Variants in CNTNAP4 observed in about 807,000 individuals in gnomAD.
CNTNAP4 encodes the protein contactin associated protein family member 4, also known as contactin-associated protein-like 4.
In CNTNAP4, 98 loss-of-function variants were observed where a neutral mutation model predicts 148.4. The observed-to-expected ratio is 0.66, with a 90% CI of 0.56 to 0.78. The LOEUF is 0.78. CNTNAP4 is among the 30% of genes least tolerant of loss of function. The probability of loss-of-function intolerance (pLI) is 0.00; values close to 1 mark genes in which losing one functional copy is unlikely to be tolerated. For missense variants in CNTNAP4, 1,935 were observed against 1,565.6 expected, an observed-to-expected ratio of 1.24 and a Z score of -3.98; for synonymous variants, 730 against 565.1, an observed-to-expected ratio of 1.29 and a Z score of -4.14.
rs2085365249 is a variant in CNTNAP4, at chr16:76,560,286, CTCT to C, written c.*1608_*1610del. The stretch of plus-strand genomic sequence containing the variant: ...TTATTTTCTATATTTTCCTTGTTAA[CTCT>C]TCTTATAAAACCTGCCTCTCTTTTC... On this transcript the variant is annotated 3_prime_UTR_variant, in exon 24 of 24. Coordinates refer to ENST00000611870, the MANE Select transcript of CNTNAP4 (RefSeq NM_033401.5). 6.6e-6 allele frequency among the ~76,000 whole-genome samples: 1 copy of C among 152,168 alleles called. No individual in the cohort carries two copies. The highest frequency in any genetic ancestry group is 2.4e-5 in the African/African-American group (1 of 41,442).
chr16:76,437,359 C>A (rs1294753443), intron 4 of CNTNAP4, among the ~76,000 whole-genome samples: 1 of 151,922 alleles, frequency 6.6e-6, no homozygotes, highest in Non-Finnish European at 1.5e-5. Flanking sequence ...CAAGTTGAGA[C>A]TCAGTATTAA....
intron 7 of CNTNAP4, among the ~76,000 whole-genome samples, chr16:76,451,018 GTTGCCT>G (rs1026967389): frequency 6.6e-6 from 1 of 152,220 alleles, no homozygotes; most frequent in African/African-American, 2.4e-5. Flanking sequence ...TTTGGCAGTT[GTTGCCT>G]GTGGGTAGCC....
In CNTNAP4 at chr16:76,452,546, G is replaced by A. The variant is rs2080540880; in HGVS notation, c.1110G>A (p.Met370Ile). 2 of 1,613,834 alleles carry A rather than the reference G, an allele frequency of 1.2e-6. No individual in the cohort carries two copies. The highest frequency in any genetic ancestry group is 1.3e-5 in the African/African-American group (1 of 74,896). The change falls in exon 8 of 24, where the codon ATG becomes ATA. Residue 370 changes from methionine to isoleucine, a missense_variant. Coordinates refer to ENST00000611870, the MANE Select transcript of CNTNAP4 (RefSeq NM_033401.5). ...TTTCTTGTTCACAACCACAATCTAT[G>A]CCCGTGACTTTTCTGAGCTCCAGGA... ...VSFSCSQPQS[M>I]PVTFLSSRSY...
intron 12 of CNTNAP4, among the ~76,000 whole-genome samples, chr16:76,484,815 C>T (rs563159946): frequency 1.3e-5 from 2 of 152,128 alleles, no homozygotes; most frequent in Non-Finnish European, 2.9e-5. Flanking sequence ...TTATATAGAT[C>T]AGGTATAATG....
At chr16:76,367,165 C>G (rs2144596405) in intron 3 of CNTNAP4, among the ~76,000 whole-genome samples, 1 of 151,876 alleles carries the variant, frequency 6.6e-6, no homozygotes, top group Admixed American at 6.6e-5. Flanking sequence ...AAAATAGATA[C>G]AGCATTGAAA....
At position 76,427,577 on chromosome 16, in the gene CNTNAP4, C is replaced by G; in HGVS notation, c.516C>G (p.Ile172Met). 6.2e-7 allele frequency: 1 copy of G among 1,612,030 alleles called. No individual in the cohort carries two copies. The highest frequency in any genetic ancestry group is 8.5e-7 in the Non-Finnish European group (1 of 1,179,022). Residue 172 changes from isoleucine (I) to methionine (M), a missense_variant, in exon 4 of 24, where the codon ATC becomes ATG. Physicochemically the swap from Ile to Met is conservative, Grantham distance 10. Transcript: ENST00000611870. ...CCAAGGGCAGAATTGGAATGCGAAT[C>G]GAAGTGTTCGGATGTGCATACAGTA... is the stretch of plus-strand genomic sequence containing the variant. ...WNPKGRIGMR[I>M]EVFGCAYRSE...
At chr16:76,499,257 TA>T (rs2082531938) in intron 15 of CNTNAP4, among the ~76,000 whole-genome samples, 1 of 152,102 alleles carries the variant, frequency 6.6e-6, no homozygotes, top group South Asian at 2.1e-4. Flanking sequence ...ACCCTTGGAA[TA>T]ATCTTCAGAG....
At chr16:76,490,779 G>T (rs954710214) in intron 13 of CNTNAP4, among the ~76,000 whole-genome samples, 1 of 152,008 alleles carries the variant, frequency 6.6e-6, no homozygotes, top group Non-Finnish European at 1.5e-5. Context: ...TGTCCACCCT[G>T]CCTATACAAC....
intron 1 of CNTNAP4, among the ~76,000 whole-genome samples, chr16:76,311,681 C>T (rs1315126142): frequency 6.6e-6 from 1 of 152,084 alleles, no homozygotes. Context: ...GAGTGATGTT[C>T]ATTTCTTCTC....
intron 21 of CNTNAP4, among the ~76,000 whole-genome samples, chr16:76,541,195 T>C (rs1221189932): frequency 6.6e-6 from 1 of 152,238 alleles, no homozygotes; most frequent in Admixed American, 6.5e-5. Flanking sequence ...ATGCAATTAC[T>C]TTTTCTTCTA....
rs200999749 is a variant in CNTNAP4, at chr16:76,365,048, T to G, written c.390+9537T>G. Among the ~76,000 whole-genome samples the G allele has an allele frequency of 7.9e-5, 12 of 152,344 alleles. No homozygotes were observed. In the East Asian group the frequency reaches 2.1e-3, roughly 27 times the overall value. On this transcript the variant is annotated intron_variant, in intron 3 of 23. Coordinates refer to ENST00000611870, the MANE Select transcript of CNTNAP4 (RefSeq NM_033401.5). ...CTTTAATCCATCTTGAGTTAATTTT[T>G]GCATAAGGTGTGAGGAAGGGATTCA...
intron 2 of CNTNAP4, among the ~76,000 whole-genome samples, chr16:76,353,277 G>T (rs1178739228): frequency 1.3e-5 from 2 of 152,184 alleles, no homozygotes; most frequent in African/African-American, 4.8e-5. Flanking sequence ...GTAAGAAACA[G>T]GGATTATACC....
rs746286778 is a variant in CNTNAP4 at position 76,452,788 on chromosome 16, G to T, written c.1333+19G>T. 1 of 1,519,782 alleles carries T rather than the reference G, an allele frequency of 6.6e-7. No individual in the cohort carries two copies. The highest frequency in any genetic ancestry group is 2.3e-5 in the East Asian group (1 of 43,406). 94.1% of individuals were successfully genotyped at this position (1,519,782 alleles called of 1,614,324 possible). A position where few individuals can be genotyped will look rare whatever the true frequency, so the allele number is the denominator to read the frequency against. ...ACAGCAGGTAATAAATGTATTCCCT[G>T]GGGCAAAGCATATGGATTTGAAAGA... On this transcript the variant is annotated intron_variant, in intron 8 of 23. Coordinates refer to ENST00000611870, the MANE Select transcript of CNTNAP4 (RefSeq NM_033401.5).
chr16:76,290,561 C>G (rs1386756817), intron 1 of CNTNAP4, among the ~76,000 whole-genome samples: 3 of 152,134 alleles, frequency 2.0e-5, no homozygotes. Flanking sequence ...AAGACCTATT[C>G]ACTTCCTCTA....
chr16:76,341,863 C>A (rs898266973), intron 2 of CNTNAP4, among the ~76,000 whole-genome samples: 2 of 152,134 alleles, frequency 1.3e-5, no homozygotes, highest in Non-Finnish European at 2.9e-5. Flanking sequence ...ATGAAAGATG[C>A]TGAAAAAGGC....
intron 2 of CNTNAP4, among the ~76,000 whole-genome samples, chr16:76,350,501 C>A (rs1041764501): frequency 1.3e-5 from 2 of 152,168 alleles, no homozygotes; most frequent in Non-Finnish European, 2.9e-5. Context: ...CATAGCAACA[C>A]ATGTTACAGA....
intron 15 of CNTNAP4, among the ~76,000 whole-genome samples, chr16:76,507,840 A>G (rs2082884711): frequency 1.0e-5 from 1 of 97,616 alleles, no homozygotes; most frequent in Admixed American, 1.0e-4. Context: ...ATCTTGCAAC[A>G]CAAAGGGAGT....
intron 14 of CNTNAP4, among the ~76,000 whole-genome samples, chr16:76,497,640 A>G (rs2082447879): frequency 6.6e-6 from 1 of 151,352 alleles, no homozygotes; most frequent in African/African-American, 2.4e-5. Context: ...GGGGGAGTTG[A>G]ACAATGAGAA....
Position 76,448,814 on chromosome 16 carries a change from G to A in CNTNAP4, c.790G>A (p.Gly264Ser). ...TTCCACCCTGGTCAATCTCACCCTG[G>A]GCAGCCTGCTAGATGATCAGCATTG... ...STSTLVNLTL[G>S]SLLDDQHWHS... The change falls in exon 6 of 24, where the codon GGC becomes AGC. Residue 264 changes from glycine (G) to serine (S), a missense_variant. Gly to Ser is a moderately conservative substitution (Grantham distance 56). Transcript: ENST00000611870. The A allele has an allele frequency of 1.2e-6, 2 of 1,611,708 alleles. No homozygotes were observed. Among genetic ancestry groups the A allele is most frequent in the Middle Eastern group, 3.3e-4 (2 of 6,058 alleles).
Sources: allele counts gnomAD v4.1 joint callset (sites outside exome capture counted in the v4.1 genomes callset), GRCh38; gene constraint gnomAD v4.1.1; transcripts MANE v1.5; gene names NCBI Gene and HGNC (gene_info 2026-07-23, HGNC 2026-07-21).